The following ARHGAP21 variants were observed in gnomAD, a reference collection of about 807,000 sequenced individuals.
ARHGAP21 encodes the protein rho GTPase-activating protein 21.
A neutral mutation model predicts 164.6 loss-of-function variants in ARHGAP21; 38 were observed. The observed-to-expected ratio is 0.23, with a 90% confidence interval of 0.18 to 0.30. The LOEUF is 0.30. ARHGAP21 is among the 10% of genes least tolerant of loss of function. ARHGAP21 has a pLI of 1.00. For synonymous variants in ARHGAP21, 766 were observed against 857.9 expected (o/e 0.89, Z 1.87); for missense variants, 1,822 against 2,370.7 (o/e 0.77, Z 4.81).
At chr10:24,634,919 G>T in intron 5 of ARHGAP21, 92 bp downstream of exon 5, 2 of 958,628 alleles carry the variant, frequency 2.1e-6, no homozygotes, top group East Asian at 2.7e-5. Context: ...CATACAGAAA[G>T]ATACAAAAGG....
At chr10:24,596,665 C>T in intron 17 of ARHGAP21, 75 bp downstream of exon 17, 1 of 1,591,346 alleles carries the variant, frequency 6.3e-7, no homozygotes, top group Non-Finnish European at 8.6e-7. Context: ...GTCTGAAAGG[C>T]TATATACTCA....
intron 2 of ARHGAP21, among the ~76,000 whole-genome samples, chr10:24,711,225 C>T (rs1011264307): frequency 2.6e-5 from 4 of 151,676 alleles, no homozygotes; most frequent in Non-Finnish European, 5.9e-5. Flanking sequence ...CTAGCAAAAT[C>T]GCTGCATATC....
intron 2 of ARHGAP21, among the ~76,000 whole-genome samples, chr10:24,678,486 TTCTG>T (rs1045620201): frequency 2.0e-5 from 3 of 152,124 alleles, no homozygotes; most frequent in Non-Finnish European, 2.9e-5. Flanking sequence ...TTTGGTTTGT[TTCTG>T]TCTTTTTGTT....
intron 11 of ARHGAP21, among the ~76,000 whole-genome samples, chr10:24,604,915 G>C (rs2076961417): frequency 6.6e-6 from 1 of 152,168 alleles, no homozygotes; most frequent in Admixed American, 6.5e-5. Context: ...TAGAGCTTCA[G>C]GAGACAGGTT....
chr10:24,628,753 ATGTGTG>A (rs61405659), intron 7 of ARHGAP21, among the ~76,000 whole-genome samples: 5,080 of 134,744 alleles, frequency 0.038, 279 homozygotes, highest in African/African-American at 0.12. Flanking sequence ...TGAATGAAAT[ATGTGTG>A]TGTGTGTGTG....
At chr10:24,668,324 T>C (rs1437174022) in intron 3 of ARHGAP21, among the ~76,000 whole-genome samples, 1 of 152,212 alleles carries the variant, frequency 6.6e-6, no homozygotes, top group Non-Finnish European at 1.5e-5. Context: ...AGTTTGCACA[T>C]TCTCCCTACG....
chr10:24,589,807 A>G (rs1327898399), intron 24 of ARHGAP21: 1 of 157,120 alleles, frequency 6.4e-6, no homozygotes, highest in Non-Finnish European at 1.4e-5. Context: ...TGGATGCAAA[A>G]GAGGCATTAA....
rs544400876 is a variant in ARHGAP21 at position 24,686,462 on chromosome 10, A to G, written c.64-16065T>C. Among the ~76,000 whole-genome samples the G allele has an allele frequency of 7.9e-5, 12 of 152,248 alleles. No homozygotes were observed. In the South Asian group the frequency reaches 2.5e-3, roughly 32 times the overall value. Reference sequence around the variant, plus strand: ...AATAAATAAATAAAAATAAAGATAAATAAACTCAAACTGGAAACTATGTTG... The same window carrying G: ...AATAAATAAATAAAAATAAAGATAAGTAAACTCAAACTGGAAACTATGTTG... On this transcript the variant is annotated intron_variant, in intron 2 of 25. Transcript: ENST00000396432.
At chr10:24,596,697 G>A (rs1282551140) in intron 17 of ARHGAP21, 43 bp downstream of exon 17, 1 of 1,612,312 alleles carries the variant, frequency 6.2e-7, no homozygotes, top group South Asian at 1.1e-5. Context: ...AATCAAAACT[G>A]AATTAATGAC....
chr10:24,589,210 TAACA>T, intron 25 of ARHGAP21, 57 bp downstream of exon 25: 1 of 1,445,910 alleles, frequency 6.9e-7, no homozygotes, highest in Non-Finnish European at 9.7e-7. Context: ...GTATCAACCA[TAACA>T]ATCAGCCGAA....
At chr10:24,705,392 A>G (rs1320934112) in intron 2 of ARHGAP21, among the ~76,000 whole-genome samples, 4 of 152,352 alleles carry the variant, frequency 2.6e-5, no homozygotes, top group Middle Eastern at 3.4e-3. Context: ...TGAAACAAAC[A>G]GAGACTAAAT....
rs1255906670 is a variant in ARHGAP21, at chr10:24,590,545, CAA to C, written c.4150+678_4150+679del. The C allele has an allele frequency of 2.0e-6, 3 of 1,510,928 alleles. No homozygotes were observed. In the African/African-American group the frequency reaches 4.2e-5, roughly 21 times the overall value. 93.6% of individuals were successfully genotyped at this position (1,510,928 alleles called of 1,614,324 possible). ...CTGAAAAAACCCTTTAGGACTAAAACAAGAACTAGAGACAAAGGGAGAACATT... is the reference window on the plus strand; with the variant it reads ...CTGAAAAAACCCTTTAGGACTAAAACGAACTAGAGACAAAGGGAGAACATT... On this transcript the variant is annotated intron_variant, in intron 24 of 25. Transcript: ENST00000396432.
At chr10:24,596,680 C>A in intron 17 of ARHGAP21, 60 bp downstream of exon 17, 1 of 1,608,070 alleles carries the variant, frequency 6.2e-7, no homozygotes, top group Non-Finnish European at 8.5e-7. Flanking sequence ...TACTCAGATC[C>A]CATTATAATC....
intron 4 of ARHGAP21, among the ~76,000 whole-genome samples, chr10:24,648,353 T>C (rs1192961455): frequency 3.3e-5 from 5 of 152,236 alleles, no homozygotes; most frequent in South Asian, 2.1e-4. Flanking sequence ...CTTTCGAAAA[T>C]TGTGAAACAC....
chr10:24,605,851 G>C (rs960032718), intron 11 of ARHGAP21: 4 of 152,060 alleles, frequency 2.6e-5, no homozygotes, highest in Non-Finnish European at 4.4e-5. Flanking sequence ...AGCCTTACCA[G>C]GTAAGACAGA....
intron 9 of ARHGAP21, among the ~76,000 whole-genome samples, chr10:24,611,049 C>T (rs997117667): frequency 2.0e-5 from 3 of 152,142 alleles, no homozygotes; most frequent in Non-Finnish European, 2.9e-5. Context: ...TGTTCCTCTT[C>T]GTGTTCCGCA....
In ARHGAP21 at chr10:24,715,985, C is replaced by T. The variant is rs1018607103; in HGVS notation, c.63+5852G>A. Among the ~76,000 whole-genome samples, 6 of 152,070 alleles carry T rather than the reference C, an allele frequency of 3.9e-5. No homozygotes were observed. The East Asian group carries it at 9.6e-4, about 24-fold the overall frequency. ...GATTGCACCACTGCACTCAAGCCTG[C>T]GTGACAATGCAAGGCTCTGTCTCAA... On this transcript the variant is annotated intron_variant, in intron 2 of 25. Coordinates refer to ENST00000396432, the MANE Select transcript of ARHGAP21 (RefSeq NM_020824.4).
chr10:24,628,886 T>TATATACATACATATATATACAC (rs1565053665), intron 7 of ARHGAP21: 1 of 101,158 alleles, frequency 9.9e-6, no homozygotes, highest in African/African-American at 4.0e-5. Flanking sequence ...TATATACACA[T>TATATACATACATATATATACAC]ATATATACAT....
chr10:24,655,190 C>T (rs1838684285), intron 4 of ARHGAP21, among the ~76,000 whole-genome samples: 1 of 152,194 alleles, frequency 6.6e-6, no homozygotes, highest in Non-Finnish European at 1.5e-5. Flanking sequence ...TAGGCAATAC[C>T]ATTCAGGACA....
Sources: allele counts gnomAD v4.1 joint callset (sites outside exome capture counted in the v4.1 genomes callset), GRCh38; gene constraint gnomAD v4.1.1; transcripts MANE v1.5; gene names NCBI Gene and HGNC (gene_info 2026-07-23, HGNC 2026-07-21).